ATP6V1A: variants seen among roughly 807,000 people sequenced by gnomAD.
ATP6V1A encodes V-type proton ATPase catalytic subunit A.
Under a neutral mutation model 70.1 loss-of-function variants are expected in ATP6V1A, and 18 were observed. The observed-to-expected ratio is 0.26, with a 90% confidence interval of 0.18 to 0.38. The LOEUF is 0.38. ATP6V1A is among the 10% of genes least tolerant of loss of function. The pLI, the probability that ATP6V1A is intolerant of heterozygous loss-of-function variation, is 1.00. For missense variants in ATP6V1A, 424 were observed against 772.4 expected (o/e 0.55, Z 5.35); for synonymous variants, 232 against 253.8 (o/e 0.91, Z 0.82).
chr3:113,784,092 C>T, intron 3 of ATP6V1A, 132 bp from the exon 4 acceptor site: 1 of 768,866 alleles, frequency 1.3e-6, no homozygotes, highest in South Asian at 1.8e-5. Flanking sequence ...CACTATGAAT[C>T]CTGTGAACTG....
intron 1 of ATP6V1A, among the ~76,000 whole-genome samples, chr3:113,771,730 C>T (rs1424590785): frequency 6.6e-6 from 1 of 152,096 alleles, no homozygotes; most frequent in East Asian, 1.9e-4. Flanking sequence ...ACCCACCGCG[C>T]CCGGCCTCTT....
intron 3 of ATP6V1A, 88 bp downstream of exon 3, chr3:113,781,266 C>G: frequency 7.2e-7 from 1 of 1,394,436 alleles, no homozygotes; most frequent in Non-Finnish European, 9.5e-7. Context: ...ACAAAGTAAT[C>G]CCAGCACTTT....
intron 1 of ATP6V1A, among the ~76,000 whole-genome samples, chr3:113,770,969 C>T (rs1369556395): frequency 2.0e-5 from 3 of 151,690 alleles, no homozygotes; most frequent in African/African-American, 4.8e-5. Flanking sequence ...GGGGCGCATG[C>T]CTGTAATTCC....
intron 11 of ATP6V1A, 137 bp from the exon 12 acceptor site, chr3:113,798,106 C>A: frequency 1.2e-6 from 1 of 854,118 alleles, no homozygotes; most frequent in Non-Finnish European, 1.8e-6. Context: ...GCACTCCAGC[C>A]TGGGTGACAG....
chr3:113,808,673 C>G (rs1047302893), intron 14 of ATP6V1A, among the ~76,000 whole-genome samples: 1 of 152,178 alleles, frequency 6.6e-6, no homozygotes, highest in East Asian at 1.9e-4. Context: ...AGATGTTGAG[C>G]AAATTCTGTT....
At chr3:113,803,981 C>A (rs1463686243) in intron 13 of ATP6V1A, among the ~76,000 whole-genome samples, 1 of 152,106 alleles carries the variant, frequency 6.6e-6, no homozygotes, top group African/African-American at 2.4e-5. Context: ...CTTTCCACTG[C>A]CCATGTCTCC....
At position 113,795,859 on chromosome 3, in the gene ATP6V1A, A is replaced by T. The variant is rs1577093870; in HGVS notation, c.1227-17A>T. The stretch of plus-strand genomic sequence containing the variant: ...TGACCATTTTTTTTGTAATGACCAT[A>T]TTTTTTTTAAATTTAGAGTTTCTCC... On this transcript the variant is annotated splice_polypyrimidine_tract_variant and intron_variant, in intron 10 of 14. Transcript: ENST00000273398. The T allele has an allele frequency of 2.5e-6, 4 of 1,593,614 alleles. No individual in the cohort carries two copies. Among genetic ancestry groups the T allele is most frequent in the Non-Finnish European group, 3.4e-6 (4 of 1,169,438 alleles).
At chr3:113,803,481 G>A in intron 12 of ATP6V1A, 102 bp from the exon 13 acceptor site, 1 of 826,998 alleles carries the variant, frequency 1.2e-6, no homozygotes, top group Non-Finnish European at 2.0e-6. Context: ...TTAACAATAG[G>A]TGATGGTGGA....
At chr3:113,759,308 T>G (rs1487346778) in intron 1 of ATP6V1A, among the ~76,000 whole-genome samples, 2 of 151,380 alleles carry the variant, frequency 1.3e-5, no homozygotes, top group African/African-American at 4.8e-5. Flanking sequence ...TTTTTGCATT[T>G]TATGTATACG....
At chr3:113,762,264 T>G (rs1708712909) in intron 1 of ATP6V1A, among the ~76,000 whole-genome samples, 1 of 149,290 alleles carries the variant, frequency 6.7e-6, no homozygotes, top group East Asian at 2.0e-4. Flanking sequence ...ATTGCCTGAA[T>G]TTTGAAAAAA....
intron 1 of ATP6V1A, among the ~76,000 whole-genome samples, chr3:113,751,327 G>A (rs918813921): frequency 1.3e-5 from 2 of 151,630 alleles, no homozygotes; most frequent in Non-Finnish European, 3.0e-5. Context: ...TAGTAGTTTT[G>A]CAATGGAAAA....
At position 113,795,868 on chromosome 3, in the gene ATP6V1A, A is replaced by G; in HGVS notation, c.1227-8A>G. 6.2e-7 allele frequency: 1 copy of G among 1,600,924 alleles called. No homozygotes were observed. Among genetic ancestry groups the G allele is most frequent in the Non-Finnish European group, 8.5e-7 (1 of 1,175,516 alleles). ...TTTTTGTAATGACCATATTTTTTTT[A>G]AATTTAGAGTTTCTCCACCTGGTGG... On this transcript the variant is annotated splice_region_variant and splice_polypyrimidine_tract_variant and intron_variant, in intron 10 of 14. Transcript: ENST00000273398.
intron 14 of ATP6V1A, among the ~76,000 whole-genome samples, chr3:113,808,287 CTTTTTTT>C (rs748064694): frequency 1.1e-5 from 1 of 89,808 alleles, no homozygotes; most frequent in Admixed American, 1.5e-4. Flanking sequence ...AAGTCTGTCT[CTTTTTTT>C]TTTTTTTTTT....
At chr3:113,757,087 G>A (rs1307879961) in intron 1 of ATP6V1A, among the ~76,000 whole-genome samples, 1 of 152,166 alleles carries the variant, frequency 6.6e-6, no homozygotes, top group African/African-American at 2.4e-5. Flanking sequence ...AATCTAAGAA[G>A]CAGATTGACT....
chr3:113,796,058 G>A, intron 11 of ATP6V1A, 119 bp downstream of exon 11: 1 of 854,196 alleles, frequency 1.2e-6, no homozygotes. Context: ...CTAAAGGATA[G>A]GCAATGGTAA....
intron 3 of ATP6V1A, among the ~76,000 whole-genome samples, chr3:113,782,053 G>C (rs1483250284): frequency 6.6e-6 from 1 of 152,054 alleles, no homozygotes; most frequent in Non-Finnish European, 1.5e-5. Context: ...CTTTTTTAGT[G>C]CTTCTATATG....
chr3:113,774,547 G>T (rs1056409656), intron 1 of ATP6V1A, among the ~76,000 whole-genome samples: 1 of 152,148 alleles, frequency 6.6e-6, no homozygotes, highest in African/African-American at 2.4e-5. Context: ...GGGTGCGGTG[G>T]CTCACGCCTG....
At chr3:113,798,040 G>C (rs757179065) in intron 11 of ATP6V1A, among the ~76,000 whole-genome samples, 4 of 152,080 alleles carry the variant, frequency 2.6e-5, no homozygotes, top group Non-Finnish European at 5.9e-5. Context: ...GGCTGAGTCA[G>C]GAGAATTGTT....
At chr3:113,749,325 C>T (rs1462964106) in intron 1 of ATP6V1A, among the ~76,000 whole-genome samples, 1 of 149,858 alleles carries the variant, frequency 6.7e-6, no homozygotes, top group Non-Finnish European at 1.5e-5. Flanking sequence ...GCCTGGAAAA[C>T]ATTTCTGAGA....
Sources: gnomAD v4.1 joint callset for allele counts (sites outside exome capture counted in the v4.1 genomes callset) on GRCh38, gnomAD v4.1.1 for gene constraint, MANE v1.5 for transcripts, NCBI Gene and HGNC (gene_info 2026-07-23, HGNC 2026-07-21) for gene names.